The following RBFOX1 variants were observed in gnomAD, a reference collection of about 807,000 sequenced individuals.
RBFOX1 encodes the protein RNA binding fox-1 homolog 1, also known as RNA binding protein fox-1 homolog 1.
A neutral mutation model predicts 57.7 loss-of-function variants in RBFOX1; 8 were observed. The observed-to-expected ratio is 0.14, with a 90% confidence interval of 0.08 to 0.25. The LOEUF (loss-of-function observed/expected upper bound fraction) is 0.25. Ranked by LOEUF, RBFOX1 falls within the 10% of genes least tolerant of loss-of-function variation. The probability of loss-of-function intolerance (pLI) is 1.00; values close to 1 mark genes in which losing one functional copy is unlikely to be tolerated. For missense variants in RBFOX1, 611 were observed against 548.5 expected, an observed-to-expected ratio of 1.11 and a Z score of -1.14; for synonymous variants, 326 against 222.4, an observed-to-expected ratio of 1.47 and a Z score of -4.15.
chr16:5,650,290 A>G (rs1441714418), intron 3 of RBFOX1, among the ~76,000 whole-genome samples: 1 of 151,308 alleles, frequency 6.6e-6, no homozygotes, highest in African/African-American at 2.4e-5. Flanking sequence ...CTGGGCTCTC[A>G]GCCACACTCC....
At chr16:5,890,113 T>C (rs2058011587) in intron 4 of RBFOX1, among the ~76,000 whole-genome samples, 2 of 152,156 alleles carry the variant, frequency 1.3e-5, no homozygotes, top group Admixed American at 1.3e-4. Context: ...TACTCTTTGC[T>C]TGGTCATGGA....
intron 3 of RBFOX1, among the ~76,000 whole-genome samples, chr16:5,800,655 GT>G (rs1330258533): frequency 6.6e-6 from 1 of 152,168 alleles, no homozygotes; most frequent in Non-Finnish European, 1.5e-5. Flanking sequence ...TAGTTTCACG[GT>G]GACACTGGGG....
chr16:6,080,788 G>C (rs920668380), intron 1 of RBFOX1, among the ~76,000 whole-genome samples: 16 of 152,158 alleles, frequency 1.1e-4, no homozygotes, highest in African/African-American at 3.9e-4. Flanking sequence ...CAGACTTTTG[G>C]TAACCGGCCA....
rs1331378499 is a variant in RBFOX1, at chr16:6,672,320, T to C, written c.-16+17670T>C. 4.7e-5 allele frequency among the ~76,000 whole-genome samples: 7 copies of C among 150,202 alleles called. No individual in the cohort carries two copies. The East Asian group carries it at 1.2e-3, about 25-fold the overall frequency. On this transcript the variant is annotated intron_variant, in intron 3 of 15. Coordinates refer to ENST00000550418, the MANE Select transcript of RBFOX1 (RefSeq NM_018723.4). ...CCAATATAAAATAACCATACAAATA[T>C]TGTGGTGGGGAAGGGTGGCAGGGAG...
intron 3 of RBFOX1, among the ~76,000 whole-genome samples, chr16:5,694,246 G>C (rs2050780829): frequency 6.6e-6 from 1 of 152,170 alleles, no homozygotes; most frequent in African/African-American, 2.4e-5. Flanking sequence ...TGATTTACCA[G>C]CCTCAATTTC....
chr16:5,326,967 C>A (rs1017790532), intron 1 of RBFOX1, among the ~76,000 whole-genome samples: 2 of 152,180 alleles, frequency 1.3e-5, no homozygotes, highest in African/African-American at 4.8e-5. Flanking sequence ...AAACAAAACA[C>A]AAACATCCGT....
intron 3 of RBFOX1, among the ~76,000 whole-genome samples, chr16:5,698,150 A>G (rs2050908826): frequency 6.6e-6 from 1 of 152,086 alleles, no homozygotes; most frequent in Admixed American, 6.5e-5. Flanking sequence ...GCTTTATTTG[A>G]GATTTTTACA....
intron 2 of RBFOX1, among the ~76,000 whole-genome samples, chr16:6,559,682 G>T (rs1024724546): frequency 4.6e-5 from 7 of 151,884 alleles, no homozygotes; most frequent in Non-Finnish European, 8.8e-5. Flanking sequence ...AAGTACATAG[G>T]TATATATCTG....
intron 13 of RBFOX1, among the ~76,000 whole-genome samples, chr16:7,670,174 T>C (rs994997393): frequency 6.6e-6 from 1 of 152,008 alleles, no homozygotes; most frequent in African/African-American, 2.4e-5. Context: ...TGAGACTACA[T>C]GCATGCACCA....
chr16:5,536,256 G>A (rs1480944210), intron 2 of RBFOX1, among the ~76,000 whole-genome samples: 15 of 86,260 alleles, frequency 1.7e-4, no homozygotes, highest in African/African-American at 6.1e-4. Flanking sequence ...TTTTTTTTTA[G>A]ATGGAGTCTT....
At chr16:6,803,617 T>G (rs529753898) in intron 3 of RBFOX1, among the ~76,000 whole-genome samples, 2 of 152,316 alleles carry the variant, frequency 1.3e-5, no homozygotes, top group East Asian at 3.9e-4. Context: ...ACAGGATTCC[T>G]AAACCGAATG....
intron 1 of RBFOX1, among the ~76,000 whole-genome samples, chr16:6,035,688 C>G (rs1054872526): frequency 1.3e-5 from 2 of 152,204 alleles, no homozygotes; most frequent in Non-Finnish European, 2.9e-5. Flanking sequence ...CTTTTCCCCC[C>G]TCATCAGCGT....
chr16:5,940,508 G>A (rs1193860966), intron 4 of RBFOX1, among the ~76,000 whole-genome samples: 1 of 152,108 alleles, frequency 6.6e-6, no homozygotes, highest in Non-Finnish European at 1.5e-5. Context: ...AGATCTATGG[G>A]GATATTAAGA....
At chr16:6,692,883 A>T (rs371612960) in intron 3 of RBFOX1, among the ~76,000 whole-genome samples, 1 of 151,786 alleles carries the variant, frequency 6.6e-6, no homozygotes, top group African/African-American at 2.4e-5. Flanking sequence ...ATCCATTACT[A>T]TCACCACCAT....
intron 4 of RBFOX1, among the ~76,000 whole-genome samples, chr16:7,244,487 G>C (rs936452408): frequency 6.6e-6 from 1 of 152,126 alleles, no homozygotes; most frequent in African/African-American, 2.4e-5. Context: ...ATCATATTCA[G>C]TTTTCTTAAG....
chr16:6,896,750 G>T (rs1482392462), intron 3 of RBFOX1, among the ~76,000 whole-genome samples: 1 of 152,174 alleles, frequency 6.6e-6, no homozygotes, highest in Non-Finnish European at 1.5e-5. Flanking sequence ...TCTGTGGATT[G>T]CTCCCAAGAG....
At chr16:7,119,589 C>G (rs1384640981) in intron 4 of RBFOX1, among the ~76,000 whole-genome samples, 11 of 151,700 alleles carry the variant, frequency 7.3e-5, no homozygotes, top group Non-Finnish European at 1.6e-4. Context: ...AAAACAACAA[C>G]AAAAAACCAC....
intron 2 of RBFOX1, among the ~76,000 whole-genome samples, chr16:6,644,892 C>A (rs988804011): frequency 6.6e-6 from 1 of 152,202 alleles, no homozygotes; most frequent in African/African-American, 2.4e-5. Flanking sequence ...CAAGAGAGAT[C>A]AGCACAAAGA....
chr16:7,080,008 ATATACATATATATACG>A (rs1429256244), intron 4 of RBFOX1, among the ~76,000 whole-genome samples: 10 of 143,812 alleles, frequency 7.0e-5, no homozygotes, highest in African/African-American at 2.6e-4. Context: ...GTGTATATAT[ATATACATATATATACG>A]TATATATGTA....
Sources: gnomAD v4.1 joint callset for allele counts (sites outside exome capture counted in the v4.1 genomes callset) on GRCh38, gnomAD v4.1.1 for gene constraint, MANE v1.5 for transcripts, NCBI Gene and HGNC (gene_info 2026-07-23, HGNC 2026-07-21) for gene names.